Variants in MYRIP observed in about 807,000 individuals in gnomAD.
MYRIP encodes the protein myosin VIIA and Rab interacting protein.
In MYRIP, 49 loss-of-function variants were observed where a neutral mutation model predicts 98.0. That is an observed-to-expected ratio of 0.50 (90% confidence interval 0.40 to 0.63). MYRIP has a LOEUF of 0.63. Ranked by LOEUF, MYRIP falls within the 30% of genes least tolerant of loss-of-function variation. The pLI is 0.00. For missense variants in MYRIP, 1,004 were observed against 1,058.2 expected, an observed-to-expected ratio of 0.95 and a Z score of 0.71; for synonymous variants, 404 against 409.5, an observed-to-expected ratio of 0.99 and a Z score of 0.16.
chr3:40,063,776 T>A (rs1948070603), intron 3 of MYRIP, among the ~76,000 whole-genome samples: 1 of 152,190 alleles, frequency 6.6e-6, no homozygotes, highest in South Asian at 2.1e-4. Context: ...ACATTAATAG[T>A]CAAGGTTAAA....
intron 3 of MYRIP, among the ~76,000 whole-genome samples, chr3:40,142,426 A>G (rs188207380): frequency 2.6e-5 from 4 of 152,234 alleles, no homozygotes; most frequent in Admixed American, 2.6e-4. Context: ...ATACAGAGCT[A>G]AGAATCTTTG....
chr3:40,210,013 C>T lies in MYRIP; in HGVS notation c.1825C>T (p.Pro609Ser). 6.2e-7 allele frequency: 1 copy of T among 1,614,028 alleles called. No homozygotes were observed. The highest frequency in any genetic ancestry group is 8.5e-7 in the Non-Finnish European group (1 of 1,179,960). ...TTCAGGGGAGGATCAGGAGTCTGAG[C>T]CCAAGACAGAATCTGAGAACCAGAA... ...TSSGEDQESE[P>S]KTESENQKES... Residue 609 changes from proline to serine, a missense_variant, in exon 11 of 17, where the codon CCC (proline) becomes TCC (serine). Coordinates refer to ENST00000302541, the MANE Select transcript of MYRIP (RefSeq NM_015460.4).
chr3:39,810,784 G>A (rs1940657579), intron 1 of MYRIP: 1 of 152,230 alleles, frequency 6.6e-6, no homozygotes, highest in Non-Finnish European at 1.5e-5. Context: ...CGTCCCCAAG[G>A]ATAAGTACGT....
chr3:39,830,098 A>C (rs988367810), intron 1 of MYRIP, among the ~76,000 whole-genome samples: 2 of 152,118 alleles, frequency 1.3e-5, no homozygotes, highest in Non-Finnish European at 2.9e-5. Flanking sequence ...AAAGTTCCTC[A>C]GTGTCTCTTT....
intron 2 of MYRIP, among the ~76,000 whole-genome samples, chr3:40,024,502 T>A (rs1483109952): frequency 6.6e-6 from 1 of 151,636 alleles, no homozygotes; most frequent in African/African-American, 2.4e-5. Flanking sequence ...TTCACGTGTT[T>A]CCACTGGATC....
chr3:39,878,219 A>T (rs1396452547), intron 1 of MYRIP, among the ~76,000 whole-genome samples: 1 of 152,128 alleles, frequency 6.6e-6, no homozygotes, highest in Non-Finnish European at 1.5e-5. Flanking sequence ...TTAGGGTGGG[A>T]GTGACCCGAT....
intron 12 of MYRIP, among the ~76,000 whole-genome samples, chr3:40,236,010 C>T (rs1575666156): frequency 6.6e-6 from 1 of 152,178 alleles, no homozygotes; most frequent in East Asian, 1.9e-4. Flanking sequence ...GTTTGTACTC[C>T]TAAAAGCTAT....
chr3:39,848,110 C>T (rs1013428086), intron 1 of MYRIP, among the ~76,000 whole-genome samples: 3 of 152,140 alleles, frequency 2.0e-5, no homozygotes, highest in Admixed American at 6.5e-5. Context: ...GTGTTATAGA[C>T]GCCAGACTGT....
At chr3:40,029,418 C>A (rs1468031429) in intron 2 of MYRIP, among the ~76,000 whole-genome samples, 2 of 152,176 alleles carry the variant, frequency 1.3e-5, no homozygotes, top group Non-Finnish European at 2.9e-5. Flanking sequence ...CACTTCTATG[C>A]AGAGCAGTGA....
At chr3:39,836,982 T>C (rs1421655644) in intron 1 of MYRIP, among the ~76,000 whole-genome samples, 1 of 152,210 alleles carries the variant, frequency 6.6e-6, no homozygotes, top group East Asian at 1.9e-4. Context: ...CTGTTGTCCC[T>C]AGCATTTACC....
chr3:39,846,515 A>G (rs1042007532), intron 1 of MYRIP, among the ~76,000 whole-genome samples: 1 of 152,062 alleles, frequency 6.6e-6, no homozygotes, highest in Non-Finnish European at 1.5e-5. Context: ...TGCTGTTTCT[A>G]TCCAACTACC....
At chr3:40,124,091 T>C (rs1043084182) in intron 3 of MYRIP, among the ~76,000 whole-genome samples, 3 of 152,274 alleles carry the variant, frequency 2.0e-5, no homozygotes, top group African/African-American at 7.2e-5. Flanking sequence ...TGCCATATTC[T>C]AGTGAATGAA....
chr3:39,930,607 G>A (rs1015209179), intron 2 of MYRIP, among the ~76,000 whole-genome samples: 3 of 151,682 alleles, frequency 2.0e-5, no homozygotes, highest in Non-Finnish European at 2.9e-5. Flanking sequence ...GCCTATCCAA[G>A]GTTGTAAAGA....
chr3:40,131,818 A>T (rs1229881716), intron 3 of MYRIP, among the ~76,000 whole-genome samples: 1 of 152,158 alleles, frequency 6.6e-6, no homozygotes, highest in East Asian at 1.9e-4. Flanking sequence ...CTGATAGGAC[A>T]AATTTCCCCC....
intron 2 of MYRIP, among the ~76,000 whole-genome samples, chr3:39,935,880 T>C (rs1022725502): frequency 1.3e-5 from 2 of 152,208 alleles, no homozygotes; most frequent in African/African-American, 4.8e-5. Flanking sequence ...GCTGCTAACA[T>C]GAGTCATTTG....
At chr3:39,809,276 T>C (rs1940573573), upstream of MYRIP, among the ~76,000 whole-genome samples, 1 of 151,708 alleles carries the variant, frequency 6.6e-6, no homozygotes, top group Admixed American at 6.6e-5. Flanking sequence ...GAGTCGCACA[T>C]GGGGGCTCCC....
At chr3:39,923,344 G>T (rs1944345399) in intron 2 of MYRIP, among the ~76,000 whole-genome samples, 1 of 151,980 alleles carries the variant, frequency 6.6e-6, no homozygotes, top group Admixed American at 6.6e-5. Flanking sequence ...ACAAAAACCT[G>T]AGTGAATACC....
chr3:39,996,386 GTC>G (rs1460736444), intron 2 of MYRIP, among the ~76,000 whole-genome samples: 1 of 152,140 alleles, frequency 6.6e-6, no homozygotes, highest in Non-Finnish European at 1.5e-5. Flanking sequence ...TGCAATCCTA[GTC>G]TCTGATAAAA....
intron 4 of MYRIP, among the ~76,000 whole-genome samples, chr3:40,160,899 G>C (rs1950377395): frequency 6.6e-6 from 1 of 152,132 alleles, no homozygotes; most frequent in African/African-American, 2.4e-5. Flanking sequence ...TGTGCCCACT[G>C]TCTGGCACTC....
Sources: allele counts gnomAD v4.1 joint callset (sites outside exome capture counted in the v4.1 genomes callset), GRCh38; gene constraint gnomAD v4.1.1; transcripts MANE v1.5; gene names NCBI Gene and HGNC (gene_info 2026-07-23, HGNC 2026-07-21).